Variants in STIM1 observed in about 807,000 individuals in gnomAD.
STIM1 encodes the protein stromal interaction molecule 1.
In STIM1, 25 loss-of-function variants were observed where a neutral mutation model predicts 74.7. The observed-to-expected ratio is 0.33, with a 90% CI of 0.24 to 0.47. The LOEUF (loss-of-function observed/expected upper bound fraction) is 0.47. Ranked by LOEUF, STIM1 falls within the 20% of genes least tolerant of loss-of-function variation. STIM1 has a pLI of 1.00. For synonymous variants in STIM1, 328 were observed against 348.8 expected (o/e 0.94, Z 0.66); for missense variants, 728 against 920.8 (o/e 0.79, Z 2.71).
At chr11:3,924,137 A>AT (rs201521624) in intron 1 of STIM1, among the ~76,000 whole-genome samples, 5,384 of 138,616 alleles carry the variant, frequency 0.039, 306 homozygotes, top group African/African-American at 0.13. Context: ...CTTTAAAATT[A>AT]TTTTTTTTTT....
chr11:3,983,918 G>C (rs1335556742), intron 2 of STIM1, among the ~76,000 whole-genome samples: 1 of 151,136 alleles, frequency 6.6e-6, no homozygotes, highest in African/African-American at 2.4e-5. Context: ...TCAGGCTGGA[G>C]TACAGTGGCA....
chr11:3,917,413 A>ATGC (rs1167272762), intron 1 of STIM1, among the ~76,000 whole-genome samples: 1 of 151,340 alleles, frequency 6.6e-6, no homozygotes. Flanking sequence ...CAAAAGGTGA[A>ATGC]TGCTGACTTC....
At chr11:4,032,397 A>G (rs567085397) in intron 3 of STIM1, among the ~76,000 whole-genome samples, 1 of 152,354 alleles carries the variant, frequency 6.6e-6, no homozygotes, top group South Asian at 2.1e-4. Flanking sequence ...ACGCTGATCT[A>G]TCTGTCTGTC....
In STIM1 at chr11:4,003,006, T is replaced by G. The variant is rs938501763; in HGVS notation, c.271-20867T>G. 2.1e-3 allele frequency among the ~76,000 whole-genome samples: 318 copies of G among 150,710 alleles called. 1 individual carries two copies. Among genetic ancestry groups the G allele is most frequent in the African/African-American group, 7.2e-3 (297 of 41,266 alleles). ...AATCTAGAAGAAATGGATAAATTCC[T>G]GGACACATACACTCTCCCAAGACTA... On this transcript the variant is annotated intron_variant, in intron 2 of 12. Coordinates refer to ENST00000526596, the MANE Select transcript of STIM1 (RefSeq NM_001382567.1).
In STIM1 at chr11:3,938,037, G is replaced by A. The variant is rs140624732; in HGVS notation, c.140-29515G>A. On this transcript the variant is annotated intron_variant, in intron 1 of 12. Coordinates refer to ENST00000526596, the MANE Select transcript of STIM1 (RefSeq NM_001382567.1). ...CAACCTCCGCCTCCTGGGTTCAAGC[G>A]ATTCTCTTGCTTCAGCCTCCCGAGT... Among the ~76,000 whole-genome samples, 1,052 of 151,788 alleles carry A rather than the reference G, an allele frequency of 6.9e-3. 7 individuals are homozygous for A. Among genetic ancestry groups the A allele is most frequent in the African/African-American group, 0.024 (991 of 41,370 alleles).
chr11:4,037,349 C>T (rs1343924198), intron 3 of STIM1, among the ~76,000 whole-genome samples: 1 of 152,316 alleles, frequency 6.6e-6, no homozygotes, highest in South Asian at 2.1e-4. Flanking sequence ...CTGCATCCAG[C>T]CTGCATACTT....
At chr11:4,044,938 G>A (rs1007013243) in intron 3 of STIM1, among the ~76,000 whole-genome samples, 6 of 152,084 alleles carry the variant, frequency 3.9e-5, no homozygotes, top group African/African-American at 1.2e-4. Context: ...CATCTATGTT[G>A]TTAAACATCC....
intron 3 of STIM1, among the ~76,000 whole-genome samples, chr11:4,027,438 AGTAGCTGGGACTACAGGTGT>A (rs2094007060): frequency 6.6e-6 from 1 of 151,940 alleles, no homozygotes; most frequent in South Asian, 2.1e-4. Flanking sequence ...CAGCCTCCCG[AGTAGCTGGGACTACAGGTGT>A]GTGCCAGTGC....
chr11:4,005,770 G>C (rs2093773643), intron 2 of STIM1, among the ~76,000 whole-genome samples: 1 of 152,084 alleles, frequency 6.6e-6, no homozygotes. Context: ...TAATATGGTA[G>C]ATAGACTGAC....
intron 1 of STIM1, among the ~76,000 whole-genome samples, chr11:3,895,570 C>T (rs191786818): frequency 3.8e-4 from 58 of 151,268 alleles, no homozygotes; most frequent in Admixed American, 3.0e-3. Flanking sequence ...ATAGCTAATT[C>T]GGCTCTGGGT....
At chr11:3,895,853 T>C (rs531000890) in intron 1 of STIM1, among the ~76,000 whole-genome samples, 14 of 113,228 alleles carry the variant, frequency 1.2e-4, no homozygotes, top group East Asian at 7.2e-4. Context: ...CTTTCTTTCT[T>C]TCTCTCTCTC....
At chr11:3,998,114 C>T in intron 2 of STIM1, among the ~76,000 whole-genome samples, 1 of 152,132 alleles carries the variant, frequency 6.6e-6, no homozygotes, top group East Asian at 1.9e-4. Flanking sequence ...CACACACAGA[C>T]AGGAGAGCTT....
intron 2 of STIM1, among the ~76,000 whole-genome samples, chr11:3,987,319 T>C (rs995300526): frequency 3.3e-5 from 5 of 152,158 alleles, no homozygotes; most frequent in Non-Finnish European, 7.4e-5. Context: ...GGTGACACAG[T>C]GGTAAGTGGC....
rs1436836178 is a variant in STIM1, at chr11:4,059,737, G to A, written c.613+341G>A. 3.9e-5 allele frequency among the ~76,000 whole-genome samples: 6 copies of A among 152,162 alleles called. No individual in the cohort carries two copies. In the East Asian group the frequency reaches 9.6e-4, roughly 24 times the overall value. On this transcript the variant is annotated intron_variant, in intron 5 of 12. Coordinates refer to ENST00000526596, the MANE Select transcript of STIM1 (RefSeq NM_001382567.1). ...GAGGCCCAGATGAGGGCTAGTGAAG[G>A]TATCCTATAGACAAGGTGACATGTT...
At chr11:3,882,046 G>C (rs1180061869) in intron 1 of STIM1, among the ~76,000 whole-genome samples, 1 of 141,264 alleles carries the variant, frequency 7.1e-6, no homozygotes, top group Non-Finnish European at 1.5e-5. Flanking sequence ...GGGAAAGTAA[G>C]TTTTAGAGGT....
At chr11:4,085,133 TC>T (rs966519253) in intron 11 of STIM1, among the ~76,000 whole-genome samples, 7 of 151,004 alleles carry the variant, frequency 4.6e-5, no homozygotes, top group Admixed American at 4.6e-4. Flanking sequence ...CCCTTCTTTC[TC>T]CCCCTTCCCC....
chr11:3,905,597 A>T (rs932580509), intron 1 of STIM1, among the ~76,000 whole-genome samples: 4 of 152,176 alleles, frequency 2.6e-5, no homozygotes, highest in African/African-American at 9.7e-5. Context: ...TGCACCATTT[A>T]TTGAGTAACC....
intron 2 of STIM1, among the ~76,000 whole-genome samples, chr11:4,006,849 A>G (rs2093786976): frequency 6.6e-6 from 1 of 152,144 alleles, no homozygotes; most frequent in South Asian, 2.1e-4. Context: ...TATGGAAGGT[A>G]AGTAGTAGGG....
At chr11:3,857,162 A>G (rs2090416776) in intron 1 of STIM1, among the ~76,000 whole-genome samples, 1 of 104,144 alleles carries the variant, frequency 9.6e-6, no homozygotes, top group Non-Finnish European at 1.8e-5. Flanking sequence ...GCTACTTTTG[A>G]TCTGTCATGG....
Sources: gnomAD v4.1 joint callset for allele counts (sites outside exome capture counted in the v4.1 genomes callset) on GRCh38, gnomAD v4.1.1 for gene constraint, MANE v1.5 for transcripts, NCBI Gene and HGNC (gene_info 2026-07-23, HGNC 2026-07-21) for gene names.